Variants in GRIK4 observed in about 807,000 individuals in gnomAD.
GRIK4 encodes the protein glutamate receptor ionotropic, kainate 4.
In GRIK4, 40 loss-of-function variants were observed where a neutral mutation model predicts 104.9. That is an observed-to-expected ratio of 0.38 (90% CI 0.30 to 0.50). GRIK4 has a LOEUF of 0.50. Ranked by LOEUF, GRIK4 falls within the 20% of genes least tolerant of loss-of-function variation. GRIK4 has a pLI of 0.93. For synonymous variants in GRIK4, 485 were observed against 524.9 expected, an observed-to-expected ratio of 0.92 and a Z score of 1.04; for missense variants, 1,047 against 1,308.1, an observed-to-expected ratio of 0.80 and a Z score of 3.08.
chr11:120,834,558 C>T (rs1185899819), intron 7 of GRIK4, among the ~76,000 whole-genome samples: 2 of 152,102 alleles, frequency 1.3e-5, no homozygotes, highest in South Asian at 2.1e-4. Flanking sequence ...GGGCTCCGTA[C>T]TCTTCCCTCC....
At chr11:120,585,023 T>C (rs896286823) in intron 1 of GRIK4, among the ~76,000 whole-genome samples, 1 of 152,204 alleles carries the variant, frequency 6.6e-6, no homozygotes, top group Non-Finnish European at 1.5e-5. Flanking sequence ...GAAATTGTCT[T>C]TTTTTGTTGT....
intron 3 of GRIK4, among the ~76,000 whole-genome samples, chr11:120,794,750 T>C (rs1443738840): frequency 6.6e-6 from 1 of 152,026 alleles, no homozygotes; most frequent in Non-Finnish European, 1.5e-5. Flanking sequence ...CTGTGGTGCT[T>C]TGTAATGGCA....
chr11:120,928,585 C>T (rs1205372963), intron 13 of GRIK4, among the ~76,000 whole-genome samples: 1 of 152,138 alleles, frequency 6.6e-6, no homozygotes, highest in East Asian at 1.9e-4. Flanking sequence ...TCTGCTTGGC[C>T]TCTTGAGTCA....
At chr11:120,890,959 T>C (rs1955271425) in intron 11 of GRIK4, among the ~76,000 whole-genome samples, 1 of 152,178 alleles carries the variant, frequency 6.6e-6, no homozygotes, top group Non-Finnish European at 1.5e-5. Flanking sequence ...GTACATAAAA[T>C]ATGAAATGTT....
At chr11:120,975,994 A>T (rs569708305) in intron 19 of GRIK4, among the ~76,000 whole-genome samples, 2 of 152,354 alleles carry the variant, frequency 1.3e-5, no homozygotes, top group South Asian at 4.1e-4. Flanking sequence ...CTTTGCTCAT[A>T]GTAAACACTC....
In GRIK4 at chr11:120,726,222, C is replaced by T. The variant is rs569806634; in HGVS notation, c.82+65822C>T. ...GAAATCAGAGAGGACAGCATGGTCACAATTATGTAGGGTCTTGTAAGCCAT... is the reference window on the plus strand; with the variant it reads ...GAAATCAGAGAGGACAGCATGGTCATAATTATGTAGGGTCTTGTAAGCCAT... On this transcript the variant is annotated intron_variant, in intron 3 of 20. Coordinates refer to ENST00000527524, the MANE Select transcript of GRIK4 (RefSeq NM_014619.5). Among the ~76,000 whole-genome samples, 3 of 152,250 alleles carry T rather than the reference C, an allele frequency of 2.0e-5. No homozygotes were observed. The South Asian group carries it at 6.2e-4, about 32-fold the overall frequency.
intron 3 of GRIK4, among the ~76,000 whole-genome samples, chr11:120,707,410 C>G (rs1367861574): frequency 2.6e-5 from 4 of 152,126 alleles, no homozygotes; most frequent in African/African-American, 9.7e-5. Context: ...AACTCTGTCC[C>G]CCAGCAGATC....
intron 1 of GRIK4, among the ~76,000 whole-genome samples, chr11:120,548,780 C>T (rs974785750): frequency 1.3e-5 from 2 of 152,138 alleles, no homozygotes; most frequent in Non-Finnish European, 2.9e-5. Context: ...CTTCATTTTA[C>T]ACACAAAACC....
chr11:120,551,251 T>G (rs1948136872), intron 1 of GRIK4, among the ~76,000 whole-genome samples: 1 of 152,130 alleles, frequency 6.6e-6, no homozygotes, highest in Non-Finnish European at 1.5e-5. Context: ...GGCTCATAAC[T>G]CCCATAGCCC....
intron 1 of GRIK4, among the ~76,000 whole-genome samples, chr11:120,611,739 C>T (rs1031877627): frequency 1.3e-5 from 2 of 152,196 alleles, no homozygotes; most frequent in African/African-American, 4.8e-5. Context: ...CCCCATCTGC[C>T]TATAAGCTCG....
At chr11:120,654,538 T>C (rs1949671693) in intron 2 of GRIK4, among the ~76,000 whole-genome samples, 1 of 152,060 alleles carries the variant, frequency 6.6e-6, no homozygotes, top group Non-Finnish European at 1.5e-5. Context: ...AACTTTTGTA[T>C]TTTTAGTAGT....
chr11:120,687,272 C>A (rs1451882980), intron 3 of GRIK4, among the ~76,000 whole-genome samples: 3 of 152,084 alleles, frequency 2.0e-5, no homozygotes, highest in African/African-American at 7.2e-5. Context: ...TGCCTTGGGT[C>A]TTTTCACTCT....
At chr11:120,878,982 G>C (rs545887003) in intron 11 of GRIK4, among the ~76,000 whole-genome samples, 1 of 152,278 alleles carries the variant, frequency 6.6e-6, no homozygotes, top group African/African-American at 2.4e-5. Context: ...AGTACTTTTT[G>C]CATACCAGAC....
At chr11:120,575,703 C>T (rs1413878665) in intron 1 of GRIK4, 4 of 152,202 alleles carry the variant, frequency 2.6e-5, no homozygotes, top group African/African-American at 9.7e-5. Flanking sequence ...TGCTGGGCGT[C>T]CCTACAGATG....
At chr11:120,843,751 C>T (rs1953782318) in intron 8 of GRIK4, among the ~76,000 whole-genome samples, 1 of 152,124 alleles carries the variant, frequency 6.6e-6, no homozygotes, top group South Asian at 2.1e-4. Flanking sequence ...TCTCTAAGGG[C>T]CTTTTCAGCC....
intron 3 of GRIK4, among the ~76,000 whole-genome samples, chr11:120,748,689 T>C (rs146451186): frequency 0.013 from 1,989 of 152,300 alleles, 98 homozygotes; most frequent in Admixed American, 0.097. Context: ...CTAGTGACCA[T>C]TCACAGTGGC....
chr11:120,772,439 TAGTA>T (rs968560283), intron 3 of GRIK4, among the ~76,000 whole-genome samples: 8 of 152,192 alleles, frequency 5.3e-5, no homozygotes, highest in Admixed American at 3.9e-4. Flanking sequence ...CTAGGCTCTG[TAGTA>T]AGTAAGTATT....
At chr11:120,828,733 T>G (rs1953339717) in intron 6 of GRIK4, among the ~76,000 whole-genome samples, 1 of 152,106 alleles carries the variant, frequency 6.6e-6, no homozygotes. Flanking sequence ...ACTCGCCGCC[T>G]CCTCCTCTCT....
chr11:120,734,447 C>T (rs181749074), intron 3 of GRIK4, among the ~76,000 whole-genome samples: 31 of 152,184 alleles, frequency 2.0e-4, no homozygotes, highest in Non-Finnish European at 4.1e-4. Context: ...TGTTTCTGTT[C>T]TCTTGCTGCT....
Sources: gnomAD v4.1 joint callset for allele counts (sites outside exome capture counted in the v4.1 genomes callset) on GRCh38, gnomAD v4.1.1 for gene constraint, MANE v1.5 for transcripts, NCBI Gene and HGNC (gene_info 2026-07-23, HGNC 2026-07-21) for gene names.